NSMCE2: variants seen among roughly 807,000 people sequenced by gnomAD.
NSMCE2 encodes E3 SUMO-protein ligase NSE2.
NSMCE2 carries 24 observed loss-of-function variants against 23.8 expected under a neutral mutation model. That is an observed-to-expected ratio of 1.01 (90% CI 0.73 to 1.42). The LOEUF is 1.42. NSMCE2 is among the 40% of genes most tolerant of loss of function. The probability of loss-of-function intolerance (pLI) is 0.00; values close to 1 mark genes in which losing one functional copy is unlikely to be tolerated. For missense variants in NSMCE2, 284 were observed against 296.5 expected (o/e 0.96, Z 0.31); for synonymous variants, 92 against 94.1 (o/e 0.98, Z 0.13).
At chr8:125,135,925 T>C (rs1473704694) in intron 3 of NSMCE2, among the ~76,000 whole-genome samples, 1 of 151,932 alleles carries the variant, frequency 6.6e-6, no homozygotes, top group African/African-American at 2.4e-5. Context: ...ACTTGGCTTG[T>C]CAATTTCTAC....
chr8:125,310,269 GC>G (rs1296566823), intron 5 of NSMCE2, among the ~76,000 whole-genome samples: 3 of 152,082 alleles, frequency 2.0e-5, no homozygotes, highest in Non-Finnish European at 4.4e-5. Flanking sequence ...TCCATTCCCA[GC>G]CCACCACCTG....
At chr8:125,134,789 A>C (rs1459190615) in intron 3 of NSMCE2, among the ~76,000 whole-genome samples, 1 of 141,634 alleles carries the variant, frequency 7.1e-6, no homozygotes, top group Non-Finnish European at 1.5e-5. Flanking sequence ...GTACAGTGGC[A>C]TGATCATAGC....
chr8:125,188,126 A>G (rs912919633), intron 5 of NSMCE2, among the ~76,000 whole-genome samples: 2 of 152,196 alleles, frequency 1.3e-5, no homozygotes, highest in African/African-American at 2.4e-5. Flanking sequence ...CAAAACTGAT[A>G]AAAGGAGGGA....
chr8:125,212,049 A>C (rs746427815), intron 5 of NSMCE2, among the ~76,000 whole-genome samples: 1 of 152,234 alleles, frequency 6.6e-6, no homozygotes, highest in Non-Finnish European at 1.5e-5. Context: ...GGCAAAGTCC[A>C]TCTGTCTCTA....
At chr8:125,103,105 A>G (rs1446196883) in intron 3 of NSMCE2, among the ~76,000 whole-genome samples, 1 of 152,024 alleles carries the variant, frequency 6.6e-6, no homozygotes, top group Admixed American at 6.6e-5. Flanking sequence ...GTCTCTACTA[A>G]AAATACAAAA....
At chr8:125,322,595 G>A (rs963899433) in intron 5 of NSMCE2, among the ~76,000 whole-genome samples, 24 of 152,258 alleles carry the variant, frequency 1.6e-4, no homozygotes, top group South Asian at 2.1e-4. Context: ...CTTCTGTTTA[G>A]CATTGTACTG....
chr8:125,292,722 AT>A (rs753424485), intron 5 of NSMCE2, among the ~76,000 whole-genome samples: 6 of 152,200 alleles, frequency 3.9e-5, no homozygotes, highest in African/African-American at 4.8e-5. Context: ...ACCACATGTG[AT>A]TCCCTGGTTC....
intron 5 of NSMCE2, among the ~76,000 whole-genome samples, chr8:125,284,769 T>G (rs1827829457): frequency 6.6e-6 from 1 of 152,198 alleles, no homozygotes. Context: ...ATAACAACAA[T>G]TTTTGTTTTG....
chr8:125,108,459 G>C (rs1025609498), intron 3 of NSMCE2, among the ~76,000 whole-genome samples: 1 of 152,190 alleles, frequency 6.6e-6, no homozygotes, highest in Admixed American at 6.5e-5. Flanking sequence ...GCTTGCTATT[G>C]GGTCCAGTCC....
chr8:125,294,416 C>G (rs1273286354), intron 5 of NSMCE2, among the ~76,000 whole-genome samples: 2 of 152,202 alleles, frequency 1.3e-5, no homozygotes, highest in African/African-American at 4.8e-5. Context: ...TACATTCCCA[C>G]CAGCATTGTA....
At chr8:125,246,485 A>G (rs181784677) in intron 5 of NSMCE2, among the ~76,000 whole-genome samples, 17 of 152,184 alleles carry the variant, frequency 1.1e-4, no homozygotes, top group Admixed American at 9.2e-4. Context: ...CCTGGCCCCA[A>G]AAATGTTTCT....
intron 5 of NSMCE2, among the ~76,000 whole-genome samples, chr8:125,189,651 A>G (rs1238506725): frequency 6.6e-6 from 1 of 152,238 alleles, no homozygotes; most frequent in Non-Finnish European, 1.5e-5. Flanking sequence ...TTTCCTCTCA[A>G]TACATCATCA....
rs531954173 is a variant in NSMCE2 at position 125,110,393 on chromosome 8, G to A, written c.157+7906G>A. Reference sequence around the variant, plus strand: ...AGAAAGATTACAGTTACTATGGTCAGGCAGTTAATTGGGTATTTGTTGAGC... The same window carrying A: ...AGAAAGATTACAGTTACTATGGTCAAGCAGTTAATTGGGTATTTGTTGAGC... On this transcript the variant is annotated intron_variant, in intron 3 of 7. Coordinates refer to ENST00000287437, the MANE Select transcript of NSMCE2 (RefSeq NM_173685.4). Among the ~76,000 whole-genome samples, 4 of 152,306 alleles carry A rather than the reference G, an allele frequency of 2.6e-5. No individual in the cohort carries two copies. The South Asian group carries it at 8.3e-4, about 32-fold the overall frequency.
At chr8:125,360,358 T>G (rs1228022966) in intron 7 of NSMCE2, among the ~76,000 whole-genome samples, 1 of 152,136 alleles carries the variant, frequency 6.6e-6, no homozygotes, top group Admixed American at 6.6e-5. Flanking sequence ...CCGTCACAGA[T>G]GCAGCTCTGG....
chr8:125,262,919 T>C (rs1447750634), intron 5 of NSMCE2, among the ~76,000 whole-genome samples: 2 of 70,286 alleles, frequency 2.8e-5, no homozygotes, highest in Non-Finnish European at 7.0e-5. Flanking sequence ...ACCATTTCAG[T>C]GCCTCCGCGA....
At position 125,170,376 on chromosome 8, in the gene NSMCE2, CTT is replaced by C. The variant is rs565593006; in HGVS notation, c.265-11689_265-11688del. The stretch of plus-strand genomic sequence containing the variant: ...CATCAATAAACCTTACTCTTTATTT[CTT>C]TTTTTTTTTTTTTTTTTTTTTTTTT... On this transcript the variant is annotated intron_variant, in intron 4 of 7. Coordinates refer to ENST00000287437, the MANE Select transcript of NSMCE2 (RefSeq NM_173685.4). Among the ~76,000 whole-genome samples the C allele has an allele frequency of 9.5e-3, 360 of 37,782 alleles. 4 individuals carry two copies. Among genetic ancestry groups the C allele is most frequent in the Middle Eastern group, 0.023 (1 of 44 alleles). The allele number at this position is 37,782 out of a possible 152,430, so 24.8% of individuals were successfully genotyped here.
chr8:125,268,548 A>G (rs1218556503), intron 5 of NSMCE2, among the ~76,000 whole-genome samples: 1 of 152,224 alleles, frequency 6.6e-6, no homozygotes, highest in Non-Finnish European at 1.5e-5. Context: ...GAGTAATTAA[A>G]ATATTCCTTA....
chr8:125,231,785 A>G (rs187456852), intron 5 of NSMCE2, among the ~76,000 whole-genome samples: 48 of 152,318 alleles, frequency 3.2e-4, no homozygotes, highest in Admixed American at 2.7e-3. Flanking sequence ...TGTAGCATGG[A>G]TGACATCATC....
At chr8:125,210,893 T>A (rs767947414) in intron 5 of NSMCE2, among the ~76,000 whole-genome samples, 3 of 152,058 alleles carry the variant, frequency 2.0e-5, no homozygotes, top group Admixed American at 2.0e-4. Flanking sequence ...TATGCCCGGC[T>A]AATTTTTTTT....
Sources: gnomAD v4.1 joint callset for allele counts (sites outside exome capture counted in the v4.1 genomes callset) on GRCh38, gnomAD v4.1.1 for gene constraint, MANE v1.5 for transcripts, NCBI Gene and HGNC (gene_info 2026-07-23, HGNC 2026-07-21) for gene names.